Variants in LIMK1 observed in about 807,000 individuals in gnomAD.
LIMK1 encodes the protein LIM motif-containing protein kinase.
LIMK1 carries 21 observed loss-of-function variants against 77.6 expected under a neutral mutation model. That is an observed-to-expected ratio of 0.27 (90% CI 0.19 to 0.39). The LOEUF (loss-of-function observed/expected upper bound fraction) is 0.39. LIMK1 is among the 10% of genes least tolerant of loss of function. The probability of loss-of-function intolerance (pLI) is 1.00; values close to 1 mark genes in which losing one functional copy is unlikely to be tolerated. For missense variants in LIMK1, 696 were observed against 901.6 expected, an observed-to-expected ratio of 0.77 and a Z score of 2.92; for synonymous variants, 358 against 370.0, an observed-to-expected ratio of 0.97 and a Z score of 0.37.
intron 12 of LIMK1, among the ~76,000 whole-genome samples, chr7:74,113,632 A>T (rs1261559864): frequency 6.6e-6 from 1 of 151,868 alleles, no homozygotes; most frequent in Admixed American, 6.6e-5. Flanking sequence ...CTCAAAAAAA[A>T]AAAAGCATCA....
intron 2 of LIMK1, among the ~76,000 whole-genome samples, chr7:74,091,383 G>C (rs2115632813): frequency 6.6e-6 from 1 of 152,232 alleles, no homozygotes; most frequent in East Asian, 1.9e-4. Flanking sequence ...CAGGCGTGGT[G>C]GTGCGTACCT....
At chr7:74,096,284 G>A (rs1397461862) in intron 2 of LIMK1, among the ~76,000 whole-genome samples, 2 of 151,452 alleles carry the variant, frequency 1.3e-5, no homozygotes, top group Non-Finnish European at 2.9e-5. Context: ...GGCGGATCAC[G>A]AGGTCAAGAG....
chr7:74,098,257 G>A (rs1279852882), intron 4 of LIMK1, among the ~76,000 whole-genome samples: 2 of 152,104 alleles, frequency 1.3e-5, no homozygotes, highest in Non-Finnish European at 2.9e-5. Context: ...AGTCTGAGGG[G>A]CTCATGAATA....
chr7:74,116,839 C>G (rs1799822856), intron 13 of LIMK1, among the ~76,000 whole-genome samples: 1 of 151,848 alleles, frequency 6.6e-6, no homozygotes, highest in Non-Finnish European at 1.5e-5. Context: ...ATAGCTGGGA[C>G]CACAGGCATG....
chr7:74,084,104 G>T (rs916277822), intron 1 of LIMK1, 59 bp downstream of exon 1: 3 of 989,232 alleles, frequency 3.0e-6, no homozygotes, highest in Non-Finnish European at 4.3e-6. Flanking sequence ...GGCAGCGTGG[G>T]GCACGGGAGG....
At chr7:74,102,484 C>CT (rs71094754) in intron 5 of LIMK1, among the ~76,000 whole-genome samples, 1,736 of 54,086 alleles carry the variant, frequency 0.032, 313 homozygotes, top group African/African-American at 0.093. Flanking sequence ...AGGACCTTCT[C>CT]TTTTTTTTTT....
intron 13 of LIMK1, among the ~76,000 whole-genome samples, chr7:74,117,182 A>G (rs1799833612): frequency 6.6e-6 from 1 of 151,924 alleles, no homozygotes; most frequent in Non-Finnish European, 1.5e-5. Context: ...CGCCTGGCCA[A>G]TTTTTTAAAT....
In LIMK1 at chr7:74,099,100, C is replaced by G. The variant is rs965643252; in HGVS notation, c.470C>G (p.Ser157Cys). ...CAGATCCTGCCTGACTCCCCTGGCT[C>G]CCACCTGCCCCACACCGTCACCCTG... ...IEQILPDSPG[S>C]HLPHTVTLVS... Residue 157 changes from serine (S) to cysteine (C), a missense_variant, in exon 5 of 16, where the codon TCC (serine) becomes TGC (cysteine). By Grantham distance (112) the Ser-to-Cys change is moderately radical. Coordinates refer to ENST00000336180, the MANE Select transcript of LIMK1 (RefSeq NM_002314.4). The G allele has an allele frequency of 1.2e-6, 2 of 1,613,632 alleles. No individual in the cohort carries two copies. The highest frequency in any genetic ancestry group is 2.2e-5 in the East Asian group (1 of 44,870).
chr7:74,110,414 T>C (rs1799671471), intron 10 of LIMK1: 1 of 152,362 alleles, frequency 6.6e-6, no homozygotes, highest in Middle Eastern at 3.4e-3. Flanking sequence ...AGCCCCGTTC[T>C]CCTGGCATGG....
At chr7:74,096,557 G>C in intron 2 of LIMK1, 65 bp from the exon 3 acceptor site, 1 of 1,597,810 alleles carries the variant, frequency 6.3e-7, no homozygotes, top group Non-Finnish European at 8.5e-7. Flanking sequence ...TGTAGCCGAG[G>C]CAGGGGCCCA....
At position 74,107,041 on chromosome 7, in the gene LIMK1, G is replaced by C; in HGVS notation, c.913G>C (p.Ala305Pro). Residue 305 changes from alanine to proline, a missense_variant, in exon 8 of 16, where the codon GCT becomes CCT. By Grantham distance (27) the Ala-to-Pro change is conservative. Coordinates refer to ENST00000336180, the MANE Select transcript of LIMK1 (RefSeq NM_002314.4). ...RSCSIDRSPG[A>P]GSLGSPASQR... The stretch of plus-strand genomic sequence containing the variant: ...CTGCAGCATCGACAGGTCTCCGGGC[G>C]CTGGCTCACTGGGCTCCCCGGCCTC... 6.2e-7 allele frequency: 1 copy of C among 1,600,788 alleles called. No individual in the cohort carries two copies. The highest frequency in any genetic ancestry group is 8.5e-7 in the Non-Finnish European group (1 of 1,175,228).
Position 74,119,233 on chromosome 7 carries a change from C to T in LIMK1, c.1568-1350C>T, listed in dbSNP as rs1440285413. The stretch of plus-strand genomic sequence containing the variant: ...TTGCATTGTCACCCAGGCTGGAGTA[C>T]AGTGGCGTGATCTCGGCTCACTGCA... On this transcript the variant is annotated intron_variant, in intron 13 of 15. Coordinates refer to ENST00000336180, the MANE Select transcript of LIMK1 (RefSeq NM_002314.4). Among the ~76,000 whole-genome samples, 7 of 140,860 alleles carry T rather than the reference C, an allele frequency of 5.0e-5. No homozygotes were observed. The East Asian group carries it at 1.4e-3, about 27-fold the overall frequency. 92.4% of individuals were successfully genotyped at this position (140,860 alleles called of 152,430 possible). A position where few individuals can be genotyped will look rare whatever the true frequency, so the allele number is the denominator to read the frequency against.
At chr7:74,092,902 C>T (rs1207245323) in intron 2 of LIMK1, among the ~76,000 whole-genome samples, 1 of 152,192 alleles carries the variant, frequency 6.6e-6, no homozygotes, top group Non-Finnish European at 1.5e-5. Flanking sequence ...AGCCTGAGGC[C>T]TTCAGTGCCG....
At chr7:74,104,155 C>T (rs1584119247) in intron 5 of LIMK1, among the ~76,000 whole-genome samples, 1 of 152,010 alleles carries the variant, frequency 6.6e-6, no homozygotes, top group East Asian at 1.9e-4. Context: ...TGGTCTCAAA[C>T]CCCTAGTCTC....
At chr7:74,102,444 C>T (rs1344092535) in intron 5 of LIMK1, among the ~76,000 whole-genome samples, 1 of 141,330 alleles carries the variant, frequency 7.1e-6, no homozygotes, top group African/African-American at 2.6e-5. Flanking sequence ...CATTGACTCC[C>T]CCACAATTAT....
chr7:74,090,021 G>T (rs1445111747), intron 2 of LIMK1, among the ~76,000 whole-genome samples: 1 of 152,128 alleles, frequency 6.6e-6, no homozygotes, highest in African/African-American at 2.4e-5. Context: ...GGAGAGGGGT[G>T]AGTCCCCAGG....
rs544278673 is a variant in LIMK1, at chr7:74,108,058, G to A, written c.1152+101G>A. The A allele has an allele frequency of 6.8e-5, 58 of 856,826 alleles. No homozygotes were observed. The Middle Eastern group carries it at 1.3e-3, about 20-fold the overall frequency. 53.1% of individuals were successfully genotyped at this position (856,826 alleles called of 1,614,324 possible). On this transcript the variant is annotated intron_variant, in intron 9 of 15. Coordinates refer to ENST00000336180, the MANE Select transcript of LIMK1 (RefSeq NM_002314.4). ...AAAAGGGCTCTGGGAACCATTGAAAGAAGAGCGAGCAGGCCAGGCATAGTG... is the reference window on the plus strand; with the variant it reads ...AAAAGGGCTCTGGGAACCATTGAAAAAAGAGCGAGCAGGCCAGGCATAGTG...
At chr7:74,097,418 G>A (rs1309416158) in intron 4 of LIMK1, among the ~76,000 whole-genome samples, 1 of 152,250 alleles carries the variant, frequency 6.6e-6, no homozygotes, top group African/African-American at 2.4e-5. Context: ...GCTCACGCCT[G>A]TAAACCCAGC....
chr7:74,096,004 C>T (rs542051906), intron 2 of LIMK1, among the ~76,000 whole-genome samples: 65 of 138,240 alleles, frequency 4.7e-4, no homozygotes, highest in African/African-American at 1.7e-3. Context: ...CTCACTCTGT[C>T]GCCAGGCTGG....
Sources: allele counts gnomAD v4.1 joint callset (sites outside exome capture counted in the v4.1 genomes callset), GRCh38; gene constraint gnomAD v4.1.1; transcripts MANE v1.5; gene names NCBI Gene and HGNC (gene_info 2026-07-23, HGNC 2026-07-21).